The following CDYL variants were observed in gnomAD, a reference collection of about 807,000 sequenced individuals.
The protein encoded by CDYL is chromodomain Y-like protein.
Under a neutral mutation model 47.3 loss-of-function variants are expected in CDYL, and 8 were observed. The observed-to-expected ratio is 0.17, with a 90% CI of 0.10 to 0.31. The LOEUF (loss-of-function observed/expected upper bound fraction) is 0.31. CDYL is among the 10% of genes least tolerant of loss of function. The pLI is 1.00. For synonymous variants in CDYL, 266 were observed against 265.0 expected (o/e 1.00, Z -0.04); for missense variants, 471 against 701.4 (o/e 0.67, Z 3.71).
intron 1 of CDYL, among the ~76,000 whole-genome samples, chr6:4,852,868 A>T (rs1760893278): frequency 1.3e-5 from 2 of 151,466 alleles, no homozygotes; most frequent in African/African-American, 4.9e-5. Flanking sequence ...GCTTAATCAC[A>T]GCTCACTGCA....
At chr6:4,856,439 G>A (rs117681214) in intron 1 of CDYL, among the ~76,000 whole-genome samples, 2,013 of 152,286 alleles carry the variant, frequency 0.013, 106 homozygotes, top group Admixed American at 0.095. Flanking sequence ...GAGCCCAGTC[G>A]TGTCTGGCGA....
chr6:4,930,319 C>T (rs1234361954), intron 2 of CDYL, among the ~76,000 whole-genome samples: 3 of 152,238 alleles, frequency 2.0e-5, no homozygotes, highest in Non-Finnish European at 4.4e-5. Flanking sequence ...CTCTCTGGAA[C>T]TTTTTATCTA....
chr6:4,893,377 C>T (rs1019845359), intron 2 of CDYL, among the ~76,000 whole-genome samples: 17 of 152,324 alleles, frequency 1.1e-4, no homozygotes, highest in African/African-American at 3.4e-4. Flanking sequence ...TCCTCTCTCT[C>T]CCTTCTGAGT....
chr6:4,939,283 G>A (rs1236896943), intron 4 of CDYL, among the ~76,000 whole-genome samples: 1 of 151,936 alleles, frequency 6.6e-6, no homozygotes, highest in East Asian at 1.9e-4. Flanking sequence ...GTGGTGGGTA[G>A]GGGGGCTCTT....
At chr6:4,876,832 A>G (rs1761634140) in intron 1 of CDYL, among the ~76,000 whole-genome samples, 1 of 152,168 alleles carries the variant, frequency 6.6e-6, no homozygotes, top group Admixed American at 6.5e-5. Flanking sequence ...GCGGGACCAG[A>G]GGTAGAATGC....
chr6:4,949,228 G>A (rs1304227525), intron 5 of CDYL, among the ~76,000 whole-genome samples: 4 of 152,210 alleles, frequency 2.6e-5, no homozygotes, highest in South Asian at 4.1e-4. Flanking sequence ...AGGCTCCCAC[G>A]TGGAAATCTT....
intron 1 of CDYL, among the ~76,000 whole-genome samples, chr6:4,879,251 G>T (rs1761698773): frequency 6.6e-6 from 1 of 152,136 alleles, no homozygotes; most frequent in East Asian, 1.9e-4. Context: ...ATATCTATCA[G>T]TTACTAAAAG....
At chr6:4,759,946 GAAAGAAAGAAA>G (rs1290185579) in intron 3 of CDYL, among the ~76,000 whole-genome samples, 1 of 51,388 alleles carries the variant, frequency 1.9e-5, no homozygotes. Context: ...GAAAAGAAAA[GAAAGAAAGAAA>G]AAAGAAAAAC....
intron 1 of CDYL, among the ~76,000 whole-genome samples, chr6:4,846,467 C>T (rs1296342586): frequency 2.0e-5 from 3 of 152,048 alleles, no homozygotes; most frequent in Admixed American, 6.5e-5. Flanking sequence ...CATTATAATA[C>T]AAGCTGTCAG....
chr6:4,778,928 C>T (rs1351474000), intron 1 of CDYL, among the ~76,000 whole-genome samples: 1 of 152,158 alleles, frequency 6.6e-6, no homozygotes, highest in Non-Finnish European at 1.5e-5. Flanking sequence ...GCCTTGAAAG[C>T]TCAGTTTCCT....
At chr6:4,782,750 T>A (rs1285318557) in intron 1 of CDYL, among the ~76,000 whole-genome samples, 1 of 152,214 alleles carries the variant, frequency 6.6e-6, no homozygotes, top group Non-Finnish European at 1.5e-5. Context: ...AAAGCAAGTA[T>A]TAAAAACTGC....
chr6:4,909,327 A>G (rs980308991), intron 2 of CDYL, among the ~76,000 whole-genome samples: 1 of 152,030 alleles, frequency 6.6e-6, no homozygotes, highest in Non-Finnish European at 1.5e-5. Context: ...CGTAAGTGCT[A>G]CCTCCAGCTA....
At chr6:4,735,848 C>T (rs1170308019) in intron 3 of CDYL, among the ~76,000 whole-genome samples, 4 of 152,142 alleles carry the variant, frequency 2.6e-5, no homozygotes, top group African/African-American at 4.8e-5. Context: ...ATAAACATAT[C>T]CATCATCTCC....
chr6:4,833,100 C>T (rs1417745755), intron 1 of CDYL, among the ~76,000 whole-genome samples: 2 of 143,212 alleles, frequency 1.4e-5, no homozygotes, highest in African/African-American at 5.5e-5. Flanking sequence ...TTAGTTATTT[C>T]TTGCCTTCTG....
chr6:4,709,147 G>C (rs1757103215), intron 1 of CDYL, among the ~76,000 whole-genome samples: 1 of 151,930 alleles, frequency 6.6e-6, no homozygotes, highest in Non-Finnish European at 1.5e-5. Context: ...ATGCTTCTTA[G>C]GGATAAGGCT....
intron 1 of CDYL, among the ~76,000 whole-genome samples, chr6:4,708,714 A>G (rs1447025078): frequency 6.6e-6 from 1 of 152,186 alleles, no homozygotes; most frequent in Non-Finnish European, 1.5e-5. Context: ...CATCCATATA[A>G]CCACCACTAA....
At chr6:4,851,519 C>G (rs1175236167) in intron 1 of CDYL, among the ~76,000 whole-genome samples, 1 of 152,094 alleles carries the variant, frequency 6.6e-6, no homozygotes, top group Non-Finnish European at 1.5e-5. Flanking sequence ...GTGTAGGAAG[C>G]TGGAGTCTGG....
At chr6:4,771,029 A>G (rs759323195) in intron 3 of CDYL, among the ~76,000 whole-genome samples, 1 of 152,196 alleles carries the variant, frequency 6.6e-6, no homozygotes, top group Non-Finnish European at 1.5e-5. Flanking sequence ...AAATTTTACT[A>G]CACAATGGTC....
At chr6:4,746,249 A>C (rs568274679) in intron 3 of CDYL, among the ~76,000 whole-genome samples, 98 of 151,860 alleles carry the variant, frequency 6.5e-4, no homozygotes, top group African/African-American at 2.2e-3. Flanking sequence ...CTGTAATCCC[A>C]GCTACTCAGG....
Sources: gnomAD v4.1 joint callset for allele counts (sites outside exome capture counted in the v4.1 genomes callset) on GRCh38, gnomAD v4.1.1 for gene constraint, MANE v1.5 for transcripts, NCBI Gene and HGNC (gene_info 2026-07-23, HGNC 2026-07-21) for gene names.